Variants in ASIC2 observed in about 807,000 individuals in gnomAD.
ASIC2 encodes acid sensing ion channel subunit 2.
A neutral mutation model predicts 57.3 loss-of-function variants in ASIC2; 25 were observed. That is an observed-to-expected ratio of 0.44 (90% CI 0.32 to 0.61). The LOEUF (loss-of-function observed/expected upper bound fraction) is 0.61, where lower values mean the gene tolerates loss of function less well. Among genes scored for constraint, ASIC2 ranks in the 20% least tolerant of loss-of-function variants. The pLI is 0.06. For missense variants in ASIC2, 641 were observed against 738.1 expected (o/e 0.87, Z 1.52); for synonymous variants, 319 against 307.5 (o/e 1.04, Z -0.39).
At chr17:33,734,005 C>T (rs1909830973) in intron 1 of ASIC2, among the ~76,000 whole-genome samples, 1 of 152,166 alleles carries the variant, frequency 6.6e-6, no homozygotes, top group South Asian at 2.1e-4. Context: ...CTTTCCCCTC[C>T]CCCTAGGCCT....
intron 2 of ASIC2, among the ~76,000 whole-genome samples, chr17:33,093,577 G>C (rs2092166084): frequency 6.6e-6 from 1 of 152,130 alleles, no homozygotes; most frequent in South Asian, 2.1e-4. Context: ...GAACCAAGAG[G>C]AGTGTGGTAA....
chr17:33,536,033 C>T (rs1218181814), intron 1 of ASIC2, among the ~76,000 whole-genome samples: 1 of 152,164 alleles, frequency 6.6e-6, no homozygotes, highest in Non-Finnish European at 1.5e-5. Flanking sequence ...AAAGTGGCCT[C>T]GGGATTGTTT....
At chr17:34,114,052 G>C (rs529155481) in intron 1 of ASIC2, among the ~76,000 whole-genome samples, 17 of 152,256 alleles carry the variant, frequency 1.1e-4, no homozygotes, top group African/African-American at 4.1e-4. Flanking sequence ...TGCCTCAGAG[G>C]AGACAGGAAG....
chr17:33,811,412 C>G (rs549900302), intron 1 of ASIC2, among the ~76,000 whole-genome samples: 8 of 152,210 alleles, frequency 5.3e-5, no homozygotes, highest in African/African-American at 1.9e-4. Flanking sequence ...GCTCATATCC[C>G]TCCATGTGCT....
At chr17:34,035,741 T>A in intron 1 of ASIC2, among the ~76,000 whole-genome samples, 1 of 152,082 alleles carries the variant, frequency 6.6e-6, no homozygotes, top group East Asian at 1.9e-4. Context: ...CAGACACTTC[T>A]CAAAAGAAGA....
At chr17:33,302,126 C>T (rs975879654) in intron 1 of ASIC2, among the ~76,000 whole-genome samples, 1 of 152,196 alleles carries the variant, frequency 6.6e-6, no homozygotes, top group African/African-American at 2.4e-5. Flanking sequence ...GCTTTATTAT[C>T]AGTTTAGATA....
intron 1 of ASIC2, chr17:34,036,626 G>A (rs981161275): frequency 2.7e-5 from 4 of 145,488 alleles, no homozygotes; most frequent in African/African-American, 1.0e-4. Context: ...GGTCCTACTA[G>A]CATTTTATCA....
chr17:33,863,900 G>GT (rs1031021531), intron 1 of ASIC2, among the ~76,000 whole-genome samples: 15,920 of 72,228 alleles, frequency 0.22, 1,010 homozygotes, highest in Admixed American at 0.34. Flanking sequence ...CTCTTTTTTT[G>GT]TTTTTTTTTT....
At chr17:33,744,071 G>A (rs1321670514) in intron 1 of ASIC2, among the ~76,000 whole-genome samples, 5 of 152,154 alleles carry the variant, frequency 3.3e-5, no homozygotes, top group African/African-American at 1.2e-4. Context: ...TCCCCTTAAA[G>A]GAACTGACTT....
chr17:33,968,662 C>A (rs554828239), intron 1 of ASIC2, among the ~76,000 whole-genome samples: 1 of 152,212 alleles, frequency 6.6e-6, no homozygotes, highest in African/African-American at 2.4e-5. Flanking sequence ...GCTTCAGCTC[C>A]GTTGGGCTTC....
chr17:33,680,030 G>A (rs1234161803), intron 1 of ASIC2, among the ~76,000 whole-genome samples: 2 of 152,134 alleles, frequency 1.3e-5, no homozygotes, highest in Non-Finnish European at 2.9e-5. Context: ...TACTGGGATA[G>A]GGCTGTGTTA....
Position 33,972,328 on chromosome 17 carries a change from A to C in ASIC2, c.555+183650T>G, listed in dbSNP as rs181247196. 2.0e-3 allele frequency among the ~76,000 whole-genome samples: 310 copies of C among 152,304 alleles called. 2 individuals are homozygous for C. Among genetic ancestry groups the C allele is most frequent in the African/African-American group, 7.2e-3 (298 of 41,574 alleles). ...TTTAGTTACTGAATGCATGACAGGA[A>C]GGACGATAGAAAAATACTCACATCC... On this transcript the variant is annotated intron_variant, in intron 1 of 9. Coordinates refer to the ASIC2 transcript ENST00000359872.
intron 1 of ASIC2, among the ~76,000 whole-genome samples, chr17:33,567,560 G>A (rs1916277155): frequency 6.6e-6 from 1 of 152,174 alleles, no homozygotes; most frequent in Admixed American, 6.5e-5. Flanking sequence ...TTCCAGGCAG[G>A]ATGGTGTCTC....
At chr17:33,887,728 C>G (rs769400109) in intron 1 of ASIC2, among the ~76,000 whole-genome samples, 4 of 152,188 alleles carry the variant, frequency 2.6e-5, no homozygotes, top group Non-Finnish European at 4.4e-5. Context: ...CAGTTTTGAT[C>G]ACCTGTAGGC....
At chr17:33,239,158 G>T (rs372211560) in intron 1 of ASIC2, among the ~76,000 whole-genome samples, 22 of 151,602 alleles carry the variant, frequency 1.5e-4, no homozygotes, top group South Asian at 6.2e-4. Context: ...GGGCGTGGTG[G>T]CATGCGCCTG....
chr17:33,343,170 C>T (rs1026873881), intron 1 of ASIC2, among the ~76,000 whole-genome samples: 1 of 152,160 alleles, frequency 6.6e-6, no homozygotes, highest in Non-Finnish European at 1.5e-5. Flanking sequence ...AGGCTGAGAG[C>T]CCAGATGGGT....
At chr17:33,279,385 C>T (rs1904846347) in intron 1 of ASIC2, among the ~76,000 whole-genome samples, 1 of 152,140 alleles carries the variant, frequency 6.6e-6, no homozygotes, top group Non-Finnish European at 1.5e-5. Flanking sequence ...GACATGGAAG[C>T]TGGAAAATTC....
At chr17:33,766,442 T>C (rs1442386601) in intron 1 of ASIC2, among the ~76,000 whole-genome samples, 2 of 152,176 alleles carry the variant, frequency 1.3e-5, no homozygotes, top group African/African-American at 4.8e-5. Flanking sequence ...AGGCTTGAGG[T>C]AGAGGCAGTG....
chr17:33,972,565 C>A (rs1178614199), intron 1 of ASIC2, among the ~76,000 whole-genome samples: 1 of 152,092 alleles, frequency 6.6e-6, no homozygotes, highest in African/African-American at 2.4e-5. Context: ...TTTGGAAAAA[C>A]AAAACAAAAC....
Sources: allele counts gnomAD v4.1 joint callset (sites outside exome capture counted in the v4.1 genomes callset), GRCh38; gene constraint gnomAD v4.1.1; transcripts MANE v1.5; gene names NCBI Gene and HGNC (gene_info 2026-07-23, HGNC 2026-07-21).